The following LOC400499 variants were observed in gnomAD, a reference collection of about 807,000 sequenced individuals.
chr16:11,508,580 A>T, the LOC400499 span: 3 of 396,400 alleles, frequency 7.6e-6, no homozygotes, highest in Non-Finnish European at 1.3e-5. Context: ...GCAGTGCACA[A>T]CCTACCCACC....
chr16:11,504,550 C>T, the LOC400499 span, among the ~76,000 whole-genome samples: 19 of 150,138 alleles, frequency 1.3e-4, no homozygotes, highest in South Asian at 6.3e-4. Flanking sequence ...AGCGAGACTC[C>T]GTCCCCCCCC....
chr16:11,446,650 C>G, the LOC400499 span: 1 of 1,535,902 alleles, frequency 6.5e-7, no homozygotes, highest in Non-Finnish European at 8.7e-7. Context: ...GGAGGGACAA[C>G]CACATACATG....
the LOC400499 span, chr16:11,460,031 G>A: frequency 2.0e-6 from 3 of 1,467,804 alleles, no homozygotes; most frequent in Non-Finnish European, 2.7e-6. Context: ...GGTGGCCCGA[G>A]TCCTCCTCAT....
chr16:11,445,197 G>C, the LOC400499 span, among the ~76,000 whole-genome samples: 1 of 152,114 alleles, frequency 6.6e-6, no homozygotes. Context: ...AAGGCGGGCA[G>C]ATCACTTGAA....
chr16:11,387,791 T>G, the LOC400499 span, among the ~76,000 whole-genome samples: 1 of 152,020 alleles, frequency 6.6e-6, no homozygotes, highest in Non-Finnish European at 1.5e-5. Flanking sequence ...ACCCGGCTAA[T>G]TTTTGTATTT....
the LOC400499 span, among the ~76,000 whole-genome samples, chr16:11,382,703 G>GGGAGGCTGAGGCAGGAGAACT: frequency 6.6e-6 from 1 of 152,178 alleles, no homozygotes; most frequent in Non-Finnish European, 1.5e-5. Context: ...TCAGCACTTT[G>GGGAGGCTGAGGCAGGAGAACT]GGAGGCTGAG....
At chr16:11,457,314 C>T in the LOC400499 span, among the ~76,000 whole-genome samples, 1 of 152,184 alleles carries the variant, frequency 6.6e-6, no homozygotes, top group African/African-American at 2.4e-5. Flanking sequence ...AAAGATCGGG[C>T]CGGGCACGGT....
chr16:11,381,506 T>A, the LOC400499 span, among the ~76,000 whole-genome samples: 1 of 152,240 alleles, frequency 6.6e-6, no homozygotes, highest in Non-Finnish European at 1.5e-5. Context: ...CTGTAGCTTA[T>A]CTTTCCATCT....
the LOC400499 span, among the ~76,000 whole-genome samples, chr16:11,498,171 T>G: frequency 6.6e-6 from 1 of 152,180 alleles, no homozygotes; most frequent in Admixed American, 6.6e-5. Context: ...ATGAAGAACT[T>G]TTGTTCATTG....
chr16:11,448,281 T>C, the LOC400499 span, among the ~76,000 whole-genome samples: 2 of 152,144 alleles, frequency 1.3e-5, no homozygotes, highest in East Asian at 1.9e-4. Context: ...TAGACCTCCC[T>C]AGGTACCCGG....
the LOC400499 span, chr16:11,396,310 G>A: frequency 2.3e-6 from 1 of 438,926 alleles, no homozygotes; most frequent in Non-Finnish European, 3.7e-6. Flanking sequence ...TTGGCGCCAG[G>A]GCCAGGCCTG....
chr16:11,500,760 C>T, the LOC400499 span: 11 of 399,050 alleles, frequency 2.8e-5, no homozygotes, highest in East Asian at 3.6e-5. Context: ...AGCCAAGCCA[C>T]GGAGGGAGGA....
At chr16:11,524,939 G>A in the LOC400499 span, among the ~76,000 whole-genome samples, 2 of 152,084 alleles carry the variant, frequency 1.3e-5, no homozygotes, top group South Asian at 2.1e-4. Context: ...AAACCACCCC[G>A]CTGCACCTCG....
chr16:11,454,065 C>T, the LOC400499 span, among the ~76,000 whole-genome samples: 1 of 152,172 alleles, frequency 6.6e-6, no homozygotes, highest in Non-Finnish European at 1.5e-5. Flanking sequence ...TTACCACCAA[C>T]AGGACTAAGA....
the LOC400499 span, among the ~76,000 whole-genome samples, chr16:11,499,634 G>C: frequency 5.9e-5 from 9 of 152,116 alleles, no homozygotes; most frequent in African/African-American, 1.9e-4. Flanking sequence ...TGGAGGGACA[G>C]CCAGGGCTGG....
At chr16:11,408,200 C>A in the LOC400499 span, among the ~76,000 whole-genome samples, 1 of 152,106 alleles carries the variant, frequency 6.6e-6, no homozygotes, top group Non-Finnish European at 1.5e-5. Flanking sequence ...CCAGGCCAGT[C>A]TCGAACTCCT....
chr16:11,382,577 TTGA>T, the LOC400499 span, among the ~76,000 whole-genome samples: 2 of 151,710 alleles, frequency 1.3e-5, no homozygotes, highest in South Asian at 4.1e-4. Flanking sequence ...ATCTGCTGTG[TTGA>T]TGATTATTGT....
chr16:11,436,736 C>T, the LOC400499 span, among the ~76,000 whole-genome samples: 13 of 151,968 alleles, frequency 8.6e-5, no homozygotes, highest in East Asian at 3.9e-4. Flanking sequence ...TACAAGTGCC[C>T]GCCACCATGC....
the LOC400499 span, among the ~76,000 whole-genome samples, chr16:11,505,657 A>G: frequency 6.6e-6 from 1 of 151,870 alleles, no homozygotes; most frequent in African/African-American, 2.4e-5. Context: ...TGTGTTGCCC[A>G]GGCTGGTCTC....
Sources: gnomAD v4.1 joint callset for allele counts (sites outside exome capture counted in the v4.1 genomes callset) on GRCh38, gnomAD v4.1.1 for gene constraint, MANE v1.5 for transcripts.